Variants in PTPRR observed in about 807,000 individuals in gnomAD.
PTPRR encodes the protein receptor-type tyrosine-protein phosphatase R.
PTPRR carries 38 observed loss-of-function variants against 77.2 expected under a neutral mutation model. The observed-to-expected ratio is 0.49, with a 90% CI of 0.38 to 0.65. The LOEUF is 0.65. Ranked by LOEUF, PTPRR falls within the 30% of genes least tolerant of loss-of-function variation. The pLI is 0.00. For missense variants in PTPRR, 744 were observed against 799.2 expected (o/e 0.93, Z 0.83); for synonymous variants, 299 against 283.1 (o/e 1.06, Z -0.57).
intron 10 of PTPRR, chr12:70,672,724 TA>T: frequency 1.3e-6 from 2 of 1,544,636 alleles, no homozygotes; most frequent in Non-Finnish European, 1.8e-6. Flanking sequence ...TGTCACCTTT[TA>T]CCCAGGGGAT....
At chr12:70,686,588 TATTA>T (rs1296604772) in intron 8 of PTPRR, among the ~76,000 whole-genome samples, 4 of 152,158 alleles carry the variant, frequency 2.6e-5, no homozygotes, top group Non-Finnish European at 5.9e-5. Flanking sequence ...TCATAAAAGG[TATTA>T]CAGTTTCCTC....
chr12:70,824,100 A>G (rs1892069236), intron 2 of PTPRR, among the ~76,000 whole-genome samples: 1 of 152,188 alleles, frequency 6.6e-6, no homozygotes, highest in African/African-American at 2.4e-5. Flanking sequence ...AACGTTAGAC[A>G]GACTTATTGG....
rs149024525 is a variant in PTPRR at position 70,755,981 on chromosome 12, T to G, written c.628-1680A>C. On this transcript the variant is annotated intron_variant, in intron 4 of 13. Coordinates refer to ENST00000283228, the MANE Select transcript of PTPRR (RefSeq NM_002849.4). Reference sequence around the variant, plus strand: ...ACAAAATAGCATCCATTGTTTGCTATAAAAGCAAACTAGTTAAGCCTTCAA... The same window carrying G: ...ACAAAATAGCATCCATTGTTTGCTAGAAAAGCAAACTAGTTAAGCCTTCAA... 5.6e-4 allele frequency among the ~76,000 whole-genome samples: 85 copies of G among 152,258 alleles called. No homozygotes were observed. In the East Asian group the frequency reaches 6.6e-3, roughly 12 times the overall value.
At chr12:70,822,131 G>A (rs946234966) in intron 2 of PTPRR, among the ~76,000 whole-genome samples, 2 of 152,214 alleles carry the variant, frequency 1.3e-5, no homozygotes, top group Non-Finnish European at 2.9e-5. Context: ...AAGGCATGGT[G>A]TTGGATGTTG....
At chr12:70,751,730 A>G (rs1890406302) in intron 5 of PTPRR, among the ~76,000 whole-genome samples, 1 of 152,168 alleles carries the variant, frequency 6.6e-6, no homozygotes, top group Admixed American at 6.5e-5. Context: ...AGAAAAACTG[A>G]GCAGAAAATA....
chr12:70,791,076 T>C lies in PTPRR; in HGVS notation c.358-26298A>G, dbSNP rs566482215. ...CCTGCTTCCACTCTGCTTTTATTGT[T>C]TATTTTCTGCAAAAACCTGGAGTAA... On this transcript the variant is annotated intron_variant, in intron 2 of 13. Coordinates refer to ENST00000283228, the MANE Select transcript of PTPRR (RefSeq NM_002849.4). 1.2e-4 allele frequency among the ~76,000 whole-genome samples: 18 copies of C among 152,326 alleles called. No individual in the cohort carries two copies. The South Asian group carries it at 3.7e-3, about 32-fold the overall frequency.
intron 2 of PTPRR, among the ~76,000 whole-genome samples, chr12:70,819,246 A>G (rs1891962985): frequency 6.6e-6 from 1 of 152,206 alleles, no homozygotes. Flanking sequence ...TGCAGGTTGC[A>G]CTGAGCTGAG....
intron 6 of PTPRR, among the ~76,000 whole-genome samples, chr12:70,706,780 G>A (rs189128165): frequency 4.6e-5 from 7 of 152,144 alleles, no homozygotes; most frequent in South Asian, 4.2e-4. Context: ...TGGAAAATGC[G>A]TTCAATCATT....
Position 70,707,364 on chromosome 12 carries a change from G to A in PTPRR, c.1008-6041C>T, listed in dbSNP as rs574892145. On this transcript the variant is annotated intron_variant, in intron 6 of 13. Coordinates refer to ENST00000283228, the MANE Select transcript of PTPRR (RefSeq NM_002849.4). ...ATTTTTATTCAATATATTCTTTTAT[G>A]ATTTACTTTTAAAAAAAGGAAGTAG... 1.1e-4 allele frequency among the ~76,000 whole-genome samples: 17 copies of A among 151,764 alleles called. No homozygotes were observed. The South Asian group carries it at 2.5e-3, about 22-fold the overall frequency.
intron 2 of PTPRR, among the ~76,000 whole-genome samples, chr12:70,767,569 G>A (rs573468343): frequency 1.1e-3 from 170 of 152,128 alleles, no homozygotes; most frequent in African/African-American, 3.9e-3. Context: ...AATAATGGGA[G>A]ACGTTAACAC....
At chr12:70,651,433 C>T (rs1035203853) in intron 13 of PTPRR, among the ~76,000 whole-genome samples, 4 of 152,174 alleles carry the variant, frequency 2.6e-5, no homozygotes, top group East Asian at 1.9e-4. Context: ...TTTAGACATT[C>T]GCTATACATT....
chr12:70,720,742 A>C (rs1465752727), intron 6 of PTPRR, among the ~76,000 whole-genome samples: 1 of 152,016 alleles, frequency 6.6e-6, no homozygotes, highest in Non-Finnish European at 1.5e-5. Flanking sequence ...TGGCCTCCCA[A>C]ATTGCTAGGA....
chr12:70,875,182 GT>G (rs1451122443), intron 2 of PTPRR, among the ~76,000 whole-genome samples: 2 of 152,050 alleles, frequency 1.3e-5, no homozygotes, highest in Non-Finnish European at 2.9e-5. Flanking sequence ...GAGTAGGAAA[GT>G]TTTCCCTGGA....
chr12:70,699,792 C>A (rs1437495673), intron 7 of PTPRR, among the ~76,000 whole-genome samples: 2 of 152,170 alleles, frequency 1.3e-5, no homozygotes, highest in Non-Finnish European at 2.9e-5. Context: ...TAATTTCAAG[C>A]ACGTCAGTGT....
chr12:70,661,969 T>A (rs1270805254), intron 11 of PTPRR, among the ~76,000 whole-genome samples: 1 of 152,202 alleles, frequency 6.6e-6, no homozygotes, highest in Non-Finnish European at 1.5e-5. Context: ...CTGCTGCCCA[T>A]GAGTTAAATA....
intron 2 of PTPRR, among the ~76,000 whole-genome samples, chr12:70,853,241 G>A (rs1371277937): frequency 6.6e-6 from 1 of 152,176 alleles, no homozygotes; most frequent in African/African-American, 2.4e-5. Flanking sequence ...TTTAAGAAAG[G>A]TTCTGCTATA....
chr12:70,693,392 G>T (rs114230524), intron 8 of PTPRR, among the ~76,000 whole-genome samples: 5,279 of 152,130 alleles, frequency 0.035, 181 homozygotes, highest in African/African-American at 0.078. Context: ...AACCTCCCGG[G>T]CTCAAGTGAT....
intron 11 of PTPRR, among the ~76,000 whole-genome samples, chr12:70,661,840 C>T (rs1271990165): frequency 6.6e-6 from 1 of 152,222 alleles, no homozygotes; most frequent in Non-Finnish European, 1.5e-5. Context: ...AGCTCTGCCC[C>T]TGTTTTCTTC....
chr12:70,854,239 C>T (rs1892617279), intron 2 of PTPRR, among the ~76,000 whole-genome samples: 2 of 152,150 alleles, frequency 1.3e-5, no homozygotes, highest in African/African-American at 4.8e-5. Flanking sequence ...TTCTGTGTGT[C>T]ACTGAGCAAT....
Sources: gnomAD v4.1 joint callset for allele counts (sites outside exome capture counted in the v4.1 genomes callset) on GRCh38, gnomAD v4.1.1 for gene constraint, MANE v1.5 for transcripts, NCBI Gene and HGNC (gene_info 2026-07-23, HGNC 2026-07-21) for gene names.